Variants in PRELID2 observed in about 807,000 individuals in gnomAD.
PRELID2 encodes PRELI domain containing 2, also known as PRELI domain-containing protein 2.
Under a neutral mutation model 28.4 loss-of-function variants are expected in PRELID2, and 25 were observed. That is an observed-to-expected ratio of 0.88 (90% confidence interval 0.64 to 1.23). PRELID2 has a LOEUF of 1.23. Among genes scored for constraint, PRELID2 ranks in the 50% most tolerant of loss-of-function variants. The pLI is 0.00. For missense variants in PRELID2, 201 were observed against 214.4 expected (o/e 0.94, Z 0.39); for synonymous variants, 76 against 71.6 (o/e 1.06, Z -0.31).
At chr5:145,298,851 T>C in the PRELID2 span, among the ~76,000 whole-genome samples, 7 of 152,320 alleles carry the variant, frequency 4.6e-5, no homozygotes, top group Admixed American at 2.0e-4. Flanking sequence ...CATATTTCAA[T>C]AGGTTACATA....
downstream of PRELID2, among the ~76,000 whole-genome samples, chr5:145,468,307 A>C (rs1277595874): frequency 3.3e-5 from 5 of 152,242 alleles, no homozygotes; most frequent in East Asian, 9.7e-4. Flanking sequence ...TTCTTAATCC[A>C]GTCTGTCATT....
At chr5:145,418,197 T>C in the PRELID2 span, among the ~76,000 whole-genome samples, 8 of 151,966 alleles carry the variant, frequency 5.3e-5, no homozygotes, top group Non-Finnish European at 8.8e-5. Flanking sequence ...TGAATGACCA[T>C]TTCCAGGAGA....
chr5:145,617,385 A>T (rs1023009327), intron 1 of PRELID2, among the ~76,000 whole-genome samples: 1 of 152,224 alleles, frequency 6.6e-6, no homozygotes, highest in Non-Finnish European at 1.5e-5. Flanking sequence ...GGCGTAAGAA[A>T]TTATAAAAGT....
At chr5:145,359,232 G>C in the PRELID2 span, among the ~76,000 whole-genome samples, 1 of 152,136 alleles carries the variant, frequency 6.6e-6, no homozygotes, top group Admixed American at 6.5e-5. Flanking sequence ...TTTACAACTA[G>C]AGGTTAGCAT....
the PRELID2 span, among the ~76,000 whole-genome samples, chr5:145,301,202 T>C: frequency 6.6e-6 from 1 of 152,124 alleles, no homozygotes; most frequent in African/African-American, 2.4e-5. Flanking sequence ...TATAAAATTG[T>C]GTAACATTGT....
chr5:145,377,763 T>C, the PRELID2 span, among the ~76,000 whole-genome samples: 220 of 152,252 alleles, frequency 1.4e-3, 1 homozygote, highest in African/African-American at 5.2e-3. Context: ...AAGAAATGGG[T>C]CTCTTGAAAG....
chr5:145,536,032 T>G (rs576122859), intron 1 of PRELID2, among the ~76,000 whole-genome samples: 6 of 151,976 alleles, frequency 3.9e-5, no homozygotes, highest in African/African-American at 1.4e-4. Flanking sequence ...AGAAGTGCAA[T>G]GAAAAAAATA....
At chr5:145,806,060 C>G (rs1581239782) in intron 4 of PRELID2, among the ~76,000 whole-genome samples, 2 of 152,322 alleles carry the variant, frequency 1.3e-5, no homozygotes, top group Middle Eastern at 3.4e-3. Flanking sequence ...TAGGATATTA[C>G]TGTACACTGC....
At chr5:145,835,068 A>C (rs1021398016) in intron 1 of PRELID2, 109 bp downstream of exon 1, 2 of 721,884 alleles carry the variant, frequency 2.8e-6, no homozygotes, top group Admixed American at 2.5e-5. Flanking sequence ...CAAAGCCCGC[A>C]GCTGGAAAGA....
At chr5:145,280,704 C>T in the PRELID2 span, among the ~76,000 whole-genome samples, 1 of 151,274 alleles carries the variant, frequency 6.6e-6, no homozygotes, top group Non-Finnish European at 1.5e-5. Flanking sequence ...TTTTAATCTA[C>T]TATTTCTGTC....
chr5:145,633,458 C>T (rs1011306452), intron 1 of PRELID2, among the ~76,000 whole-genome samples: 2 of 152,098 alleles, frequency 1.3e-5, no homozygotes, highest in Admixed American at 1.3e-4. Context: ...TTTCCTGGCC[C>T]TCTCTCGTCA....
the PRELID2 span, among the ~76,000 whole-genome samples, chr5:145,297,958 G>T: frequency 6.6e-6 from 1 of 151,994 alleles, no homozygotes; most frequent in African/African-American, 2.4e-5. Context: ...CACTGCTCCA[G>T]GAAATAAAAG....
chr5:145,247,522 G>A, the PRELID2 span, among the ~76,000 whole-genome samples: 2 of 152,090 alleles, frequency 1.3e-5, no homozygotes, highest in Non-Finnish European at 2.9e-5. Flanking sequence ...GAACAGAAAA[G>A]GATTTTTCTA....
chr5:145,568,926 A>G (rs1445102213), intron 1 of PRELID2, among the ~76,000 whole-genome samples: 1 of 152,198 alleles, frequency 6.6e-6, no homozygotes, highest in Admixed American at 6.5e-5. Context: ...ATTGGCATAT[A>G]TTTTATTGCT....
At chr5:145,544,899 G>T (rs915069156) in intron 1 of PRELID2, among the ~76,000 whole-genome samples, 1 of 152,118 alleles carries the variant, frequency 6.6e-6, no homozygotes, top group Non-Finnish European at 1.5e-5. Context: ...TACATTTAAT[G>T]AATGTGACAA....
At chr5:145,537,807 T>C (rs1241974634) in intron 1 of PRELID2, among the ~76,000 whole-genome samples, 1 of 151,936 alleles carries the variant, frequency 6.6e-6, no homozygotes, top group Non-Finnish European at 1.5e-5. Flanking sequence ...ATTCTGTTAA[T>C]AGTTTTCTTT....
chr5:145,761,078 G>A (rs1367527925), intron 6 of PRELID2, among the ~76,000 whole-genome samples: 1 of 152,216 alleles, frequency 6.6e-6, no homozygotes, highest in African/African-American at 2.4e-5. Context: ...TAGGTACAGT[G>A]TAGAACGTAG....
chr5:145,244,409 T>G, the PRELID2 span, among the ~76,000 whole-genome samples: 3 of 152,044 alleles, frequency 2.0e-5, no homozygotes, highest in Non-Finnish European at 4.4e-5. Context: ...GGGTGGCAGG[T>G]GCTCCTCGAA....
intron 5 of PRELID2, among the ~76,000 whole-genome samples, chr5:145,789,233 C>A (rs13436556): frequency 0.052 from 7,851 of 152,186 alleles, 640 homozygotes; most frequent in African/African-American, 0.18. Flanking sequence ...GCATCACACT[C>A]TCTCTTTTCA....
Sources: gnomAD v4.1 joint callset for allele counts (sites outside exome capture counted in the v4.1 genomes callset) on GRCh38, gnomAD v4.1.1 for gene constraint, MANE v1.5 for transcripts, NCBI Gene and HGNC (gene_info 2026-07-23, HGNC 2026-07-21) for gene names.